Variants in ZNF280D observed in about 807,000 individuals in gnomAD.
The protein encoded by ZNF280D is zinc finger protein 280D, also known as suppressor of hairy wing homolog 4.
In ZNF280D, 39 loss-of-function variants were observed where a neutral mutation model predicts 94.7. The observed-to-expected ratio is 0.41, with a 90% CI of 0.32 to 0.54. The LOEUF (loss-of-function observed/expected upper bound fraction) is 0.54, where lower values mean the gene tolerates loss of function less well. ZNF280D is among the 20% of genes least tolerant of loss of function. The pLI is 0.22. For missense variants in ZNF280D, 1,090 were observed against 1,149.3 expected, an observed-to-expected ratio of 0.95 and a Z score of 0.75; for synonymous variants, 398 against 377.6, an observed-to-expected ratio of 1.05 and a Z score of -0.63.
chr15:56,677,678 A>C lies in ZNF280D; in HGVS notation c.1163-4T>G. On this transcript the variant is annotated splice_polypyrimidine_tract_variant and splice_region_variant and intron_variant, in intron 11 of 21. Coordinates refer to ENST00000267807, the MANE Select transcript of ZNF280D (RefSeq NM_017661.4). ...AATTCACAGATTTTACAAATAGCTA[A>C]ATGTGGGAGAGAAACAGTATAATAA... 1.4e-6 allele frequency: 2 copies of C among 1,437,880 alleles called. No homozygotes were observed. Among genetic ancestry groups the C allele is most frequent in the Non-Finnish European group, 9.7e-7 (1 of 1,036,244 alleles). 89.1% of individuals were successfully genotyped at this position (1,437,880 alleles called of 1,614,324 possible). A position where few individuals can be genotyped will look rare whatever the true frequency, so the allele number is the denominator to read the frequency against.
intron 7 of ZNF280D, among the ~76,000 whole-genome samples, chr15:56,690,111 G>A (rs959916246): frequency 2.4e-4 from 36 of 152,204 alleles, no homozygotes; most frequent in East Asian, 1.4e-3. Context: ...GGCCAGGCAC[G>A]GTGGCTCACG....
intron 9 of ZNF280D, among the ~76,000 whole-genome samples, chr15:56,688,260 A>G (rs534768267): frequency 1.3e-5 from 2 of 152,262 alleles, no homozygotes; most frequent in Non-Finnish European, 2.9e-5. Context: ...TAGGAGGTTG[A>G]GGCGGGCGGA....
intron 13 of ZNF280D, among the ~76,000 whole-genome samples, chr15:56,676,386 C>G (rs1482312248): frequency 1.3e-5 from 2 of 152,098 alleles, no homozygotes; most frequent in Non-Finnish European, 2.9e-5. Flanking sequence ...AATATTCAAT[C>G]TTTTGGATAT....
rs138694090 is a variant in ZNF280D, at chr15:56,699,890, A to C, written c.381+1043T>G. 938 of 152,896 alleles carry C rather than the reference A, an allele frequency of 6.1e-3. 7 individuals are homozygous for C. The highest frequency in any genetic ancestry group is 0.01 in the Non-Finnish European group (710 of 68,528). 9.5% of individuals were successfully genotyped at this position (152,896 alleles called of 1,614,324 possible). On this transcript the variant is annotated intron_variant, in intron 6 of 21. Coordinates refer to ENST00000267807, the MANE Select transcript of ZNF280D (RefSeq NM_017661.4). Reference sequence around the variant, plus strand: ...GGTATAACTGGGTAATACTCAGTTGAGTAATGTAGTTTACTGTGAGTGCAC... The same window carrying C: ...GGTATAACTGGGTAATACTCAGTTGCGTAATGTAGTTTACTGTGAGTGCAC...
chr15:56,661,284 T>C (rs781567554), intron 16 of ZNF280D, among the ~76,000 whole-genome samples: 3 of 152,156 alleles, frequency 2.0e-5, no homozygotes, highest in Non-Finnish European at 2.9e-5. Context: ...TAGTTAGGAA[T>C]CTGATATGGA....
chr15:56,711,808 T>C (rs188002276), intron 1 of ZNF280D, among the ~76,000 whole-genome samples: 1 of 152,358 alleles, frequency 6.6e-6, no homozygotes, highest in Admixed American at 6.5e-5. Context: ...CATTAGATGA[T>C]TTTGTAGTTG....
Position 56,678,751 on chromosome 15 carries a change from T to C in ZNF280D, c.1075A>G (p.Thr359Ala). The C allele has an allele frequency of 6.2e-7, 1 of 1,613,062 alleles. No homozygotes were observed. The stretch of plus-strand genomic sequence containing the variant: ...AACTGACGGTAGCAGTGCTGGCAGG[T>C]GGTATGGTTTTCCCAGCTCTCACTG... ...QSSESWENHTTCQHCYRQFPT... is the reference protein window; with the variant it reads ...QSSESWENHTACQHCYRQFPT... Residue 359 changes from threonine (T) to alanine (A), a missense_variant, in exon 11 of 22, where the codon ACC becomes GCC. Physicochemically the swap from Thr to Ala is moderately conservative, Grantham distance 58 (BLOSUM62 0). This residue lies in a region of ZNF280D where 127 missense variants were observed against 208.6 expected (regional missense o/e 0.61). Transcript: ENST00000267807.
chr15:56,665,248 A>T (rs947724330), intron 16 of ZNF280D, among the ~76,000 whole-genome samples: 2 of 152,190 alleles, frequency 1.3e-5, no homozygotes, highest in Non-Finnish European at 1.5e-5. Context: ...TCTGCAAGAA[A>T]GTCACTTATA....
intron 1 of ZNF280D, among the ~76,000 whole-genome samples, chr15:56,715,757 C>T (rs1352372737): frequency 6.6e-6 from 1 of 151,966 alleles, no homozygotes; most frequent in Non-Finnish European, 1.5e-5. Flanking sequence ...TGAAGATGTA[C>T]TGCTGAAGAT....
At chr15:56,692,169 C>A (rs1400716275) in intron 7 of ZNF280D, among the ~76,000 whole-genome samples, 1 of 151,888 alleles carries the variant, frequency 6.6e-6, no homozygotes, top group African/African-American at 2.4e-5. Flanking sequence ...CTCCCTGTTT[C>A]TTTTGGTTCT....
At chr15:56,699,739 T>C in intron 6 of ZNF280D, 2 of 220,788 alleles carry the variant, frequency 9.1e-6, no homozygotes, top group Non-Finnish European at 1.5e-5. Flanking sequence ...ACAACTATCA[T>C]ACTTCAGACA....
chr15:56,673,729 C>T (rs1423652400), intron 13 of ZNF280D, among the ~76,000 whole-genome samples: 1 of 152,012 alleles, frequency 6.6e-6, no homozygotes. Flanking sequence ...TTAATTTACT[C>T]TGCTCCAGCC....
chr15:56,725,294 T>G (rs1000373202), intron 1 of ZNF280D, among the ~76,000 whole-genome samples: 5 of 152,090 alleles, frequency 3.3e-5, no homozygotes, highest in Non-Finnish European at 7.4e-5. Flanking sequence ...AGATGTGTGG[T>G]TGACTAAACT....
At chr15:56,662,932 G>C (rs1376422689) in intron 16 of ZNF280D, among the ~76,000 whole-genome samples, 7 of 151,722 alleles carry the variant, frequency 4.6e-5, no homozygotes, top group Non-Finnish European at 8.8e-5. Context: ...TAAACTGAGA[G>C]GAAGGAACAG....
rs540253736 is a variant in ZNF280D at position 56,634,019 on chromosome 15, T to TATATAG, written c.2315+1170_2315+1175dup. ...TGGATCCTGGCCATTTCTCTCTCTA[T>TATATAG]ATATAGATATAGATATTTTTAAGGC... On this transcript the variant is annotated intron_variant, in intron 21 of 21. Coordinates refer to ENST00000267807, the MANE Select transcript of ZNF280D (RefSeq NM_017661.4). The TATATAG allele has an allele frequency of 3.2e-4, 48 of 152,274 alleles. No homozygotes were observed. In the South Asian group the frequency reaches 8.1e-3, roughly 26 times the overall value. The allele number at this position is 152,274 out of a possible 1,614,324, so 9.4% of individuals were successfully genotyped here.
intron 19 of ZNF280D, among the ~76,000 whole-genome samples, chr15:56,651,585 C>T (rs2053208437): frequency 6.6e-6 from 1 of 152,132 alleles, no homozygotes; most frequent in Admixed American, 6.6e-5. Flanking sequence ...GCAGTACAGT[C>T]ATTCCCTGGT....
rs1477424078 is a variant in ZNF280D, at chr15:56,689,323, G to A, written c.647C>T (p.Ser216Phe). The change falls in exon 8 of 22, where the codon TCT (serine) becomes TTT (phenylalanine). Residue 216 changes from serine to phenylalanine, a missense_variant. This residue lies in a region of ZNF280D where 386 missense variants were observed against 372.0 expected (regional missense o/e 1.04). Coordinates refer to ENST00000267807, the MANE Select transcript of ZNF280D (RefSeq NM_017661.4). ...ACCTTTTGCTAGCATAGCCTGGGAA[G>A]AAGTCACTGAAGGAGATTTAACTGA... ...LPSVKSPSVT[S>F]SQAMLAKGTN... 1 of 1,602,370 alleles carries A rather than the reference G, an allele frequency of 6.2e-7. No homozygotes were observed. The highest frequency in any genetic ancestry group is 1.1e-5 in the South Asian group (1 of 87,340).
At chr15:56,713,702 T>A (rs1470442262) in intron 1 of ZNF280D, among the ~76,000 whole-genome samples, 1 of 152,100 alleles carries the variant, frequency 6.6e-6, no homozygotes, top group East Asian at 1.9e-4. Flanking sequence ...TCCAACTATC[T>A]CAATAAAGTA....
intron 20 of ZNF280D, among the ~76,000 whole-genome samples, chr15:56,642,280 T>C (rs1198106615): frequency 3.3e-5 from 5 of 151,836 alleles, no homozygotes; most frequent in Non-Finnish European, 5.9e-5. Flanking sequence ...AGAAGGCTGA[T>C]ACTTCTGCCT....
Sources: gnomAD v4.1 joint callset for allele counts (sites outside exome capture counted in the v4.1 genomes callset) on GRCh38, gnomAD v4.1.1 for gene constraint, gnomAD v4.1.1 regional missense constraint, MANE v1.5 for transcripts, NCBI Gene and HGNC (gene_info 2026-07-23, HGNC 2026-07-21) for gene names.